Variants in CDK8 observed in about 807,000 individuals in gnomAD.
The protein encoded by CDK8 is cyclin-dependent kinase 8.
In CDK8, 29 loss-of-function variants were observed where a neutral mutation model predicts 71.5. That is an observed-to-expected ratio of 0.41 (90% confidence interval 0.30 to 0.55). The LOEUF is 0.55. CDK8 is among the 20% of genes least tolerant of loss of function. The probability of loss-of-function intolerance (pLI) is 0.37; values close to 1 mark genes in which losing one functional copy is unlikely to be tolerated. For missense variants in CDK8, 288 were observed against 572.6 expected, an observed-to-expected ratio of 0.50 and a Z score of 5.07; for synonymous variants, 161 against 192.1, an observed-to-expected ratio of 0.84 and a Z score of 1.34.
Position 26,362,222 on chromosome 13 carries a change from AGATGGATGGATGGATG to A in CDK8, c.456+8374_456+8389del, listed in dbSNP as rs66479948. Among the ~76,000 whole-genome samples the A allele has an allele frequency of 9.2e-4, 135 of 146,772 alleles. 1 individual carries two copies. Among genetic ancestry groups the A allele is most frequent in the African/African-American group, 3.2e-3 (125 of 38,982 alleles). On this transcript the variant is annotated intron_variant, in intron 4 of 12. Transcript: ENST00000381527. ...GATGTATGTGTGGATGATAGATGAT[AGATGGATGGATGGATG>A]GATGGATGGATGGATGGATGGATGG...
At chr13:26,343,888 AT>A (rs925037762) in intron 2 of CDK8, among the ~76,000 whole-genome samples, 3 of 150,628 alleles carry the variant, frequency 2.0e-5, no homozygotes, top group Non-Finnish European at 4.4e-5. Flanking sequence ...TATTTAAAAA[AT>A]TTTTTTTTTA....
At chr13:26,340,432 T>C (rs1873190810) in intron 2 of CDK8, among the ~76,000 whole-genome samples, 1 of 152,200 alleles carries the variant, frequency 6.6e-6, no homozygotes, top group Non-Finnish European at 1.5e-5. Context: ...CAGGGTTGGC[T>C]GGGAGGAGTG....
Position 26,375,498 on chromosome 13 carries a change from T to C in CDK8, c.457-7316T>C, listed in dbSNP as rs1203798424. ...CAAAATGATTCAACACCTGGAGAAG[T>C]AAATTTGATGATACATAACAAATCT... On this transcript the variant is annotated intron_variant, in intron 4 of 12. Transcript: ENST00000381527. Among the ~76,000 whole-genome samples the C allele has an allele frequency of 2.6e-5, 4 of 152,356 alleles. No individual in the cohort carries two copies. The East Asian group carries it at 5.8e-4, about 22-fold the overall frequency.
intron 6 of CDK8, among the ~76,000 whole-genome samples, chr13:26,387,279 G>GT: frequency 6.6e-6 from 1 of 152,194 alleles, no homozygotes; most frequent in East Asian, 1.9e-4. Flanking sequence ...TCTTTTCATT[G>GT]TATGTTTTGA....
chr13:26,289,220 A>G (rs527443722), intron 1 of CDK8, among the ~76,000 whole-genome samples: 8 of 151,748 alleles, frequency 5.3e-5, no homozygotes, highest in African/African-American at 1.7e-4. Context: ...ATGCCCAGCT[A>G]ATTTTTGTAT....
intron 4 of CDK8, among the ~76,000 whole-genome samples, chr13:26,357,608 T>C (rs1339089946): frequency 6.6e-6 from 1 of 152,200 alleles, no homozygotes; most frequent in Non-Finnish European, 1.5e-5. Context: ...CCATCTATAC[T>C]GCTTAGGGTT....
At chr13:26,343,207 A>G (rs563177237) in intron 2 of CDK8, among the ~76,000 whole-genome samples, 1 of 152,316 alleles carries the variant, frequency 6.6e-6, no homozygotes, top group Non-Finnish European at 1.5e-5. Flanking sequence ...GTGTACTTAC[A>G]CTAACCCAGA....
chr13:26,404,118 G>A lies in CDK8; in HGVS notation c.*37G>A. On this transcript the variant is annotated 3_prime_UTR_variant, in exon 13 of 13. Transcript: ENST00000381527. ...ATCTTGTCCATGCACTGTTGCGAAT[G>A]CTGCAGGGCTGACTGTGCAGCTCTC... 1.2e-6 allele frequency: 2 copies of A among 1,610,216 alleles called. No individual in the cohort carries two copies. The highest frequency in any genetic ancestry group is 1.7e-6 in the Non-Finnish European group (2 of 1,177,866).
intron 6 of CDK8, among the ~76,000 whole-genome samples, chr13:26,393,050 A>G (rs913200522): frequency 2.0e-5 from 3 of 152,202 alleles, no homozygotes; most frequent in Admixed American, 2.0e-4. Context: ...TCACCTGGAC[A>G]TTGAAAACTC....
chr13:26,355,807 C>T (rs1432737269), intron 4 of CDK8, among the ~76,000 whole-genome samples: 1 of 151,928 alleles, frequency 6.6e-6, no homozygotes, highest in Admixed American at 6.6e-5. Flanking sequence ...ACATTTTTTT[C>T]CCCGTAGAGT....
At chr13:26,311,205 T>G (rs1874270456) in intron 1 of CDK8, among the ~76,000 whole-genome samples, 1 of 152,144 alleles carries the variant, frequency 6.6e-6, no homozygotes, top group African/African-American at 2.4e-5. Flanking sequence ...CTAGCAGTGA[T>G]TTTTCTCATC....
chr13:26,384,663 C>T (rs560695433), intron 5 of CDK8, among the ~76,000 whole-genome samples: 1 of 152,116 alleles, frequency 6.6e-6, no homozygotes, highest in South Asian at 2.1e-4. Context: ...GTGATTTAAT[C>T]AGATGACTTT....
rs377662983 is a variant in CDK8 at position 26,396,040 on chromosome 13, TA to T, written c.791-241del. On this transcript the variant is annotated intron_variant, in intron 7 of 12. Coordinates refer to ENST00000381527, the MANE Select transcript of CDK8 (RefSeq NM_001260.3). ...TGACAGAAATTGAGGCAGCTTATAG[TA>T]AAACATACAGAAAGTTTGCAGTTTA... Among the ~76,000 whole-genome samples, 110 of 152,246 alleles carry T rather than the reference TA, an allele frequency of 7.2e-4. 1 individual carries two copies. The South Asian group carries it at 0.022, about 30-fold the overall frequency.
chr13:26,292,278 A>C (rs1873338518), intron 1 of CDK8, among the ~76,000 whole-genome samples: 1 of 152,110 alleles, frequency 6.6e-6, no homozygotes, highest in African/African-American at 2.4e-5. Flanking sequence ...AGGCCTCACT[A>C]CTCAGAGTGC....
chr13:26,282,425 A>G (rs1234938081), intron 1 of CDK8, among the ~76,000 whole-genome samples: 1 of 152,230 alleles, frequency 6.6e-6, no homozygotes, highest in East Asian at 1.9e-4. Flanking sequence ...AGCCTCTACA[A>G]ACAAAATAAT....
intron 4 of CDK8, among the ~76,000 whole-genome samples, chr13:26,378,436 A>C (rs1477323977): frequency 6.6e-6 from 1 of 152,220 alleles, no homozygotes; most frequent in Non-Finnish European, 1.5e-5. Flanking sequence ...TGCAGCAGCA[A>C]AAAGAAGAAG....
At chr13:26,274,925 G>A (rs1336178123) in intron 1 of CDK8, among the ~76,000 whole-genome samples, 2 of 151,926 alleles carry the variant, frequency 1.3e-5, no homozygotes, top group African/African-American at 4.8e-5. Flanking sequence ...TTCACCTAAT[G>A]TTTTTATGGG....
chr13:26,292,910 A>T (rs1432110165), intron 1 of CDK8, among the ~76,000 whole-genome samples: 3 of 151,820 alleles, frequency 2.0e-5, no homozygotes, highest in Non-Finnish European at 2.9e-5. Flanking sequence ...TTAAATTTCC[A>T]TTTTTCTGAA....
At chr13:26,329,046 A>T (rs1002305325) in intron 1 of CDK8, among the ~76,000 whole-genome samples, 2 of 152,106 alleles carry the variant, frequency 1.3e-5, no homozygotes, top group African/African-American at 4.8e-5. Flanking sequence ...GGATCCTCTT[A>T]ATCAGCTATT....
Sources: allele counts gnomAD v4.1 joint callset (sites outside exome capture counted in the v4.1 genomes callset), GRCh38; gene constraint gnomAD v4.1.1; transcripts MANE v1.5; gene names NCBI Gene and HGNC (gene_info 2026-07-23, HGNC 2026-07-21).